Variants in GRM7 observed in about 807,000 individuals in gnomAD.
GRM7 encodes metabotropic glutamate receptor 7.
GRM7 carries 35 observed loss-of-function variants against 84.5 expected under a neutral mutation model. The ratio of observed to expected loss-of-function variants is 0.41; its 90% CI spans 0.32 to 0.55. GRM7 has a LOEUF of 0.55. Ranked by LOEUF, GRM7 falls within the 20% of genes least tolerant of loss-of-function variation. The probability of loss-of-function intolerance (pLI) is 0.19; values close to 1 mark genes in which losing one functional copy is unlikely to be tolerated. For missense variants in GRM7, 1,003 were observed against 1,194.6 expected, an observed-to-expected ratio of 0.84 and a Z score of 2.36; for synonymous variants, 487 against 455.1, an observed-to-expected ratio of 1.07 and a Z score of -0.89.
chr3:7,438,813 T>C (rs1697165040), intron 5 of GRM7, among the ~76,000 whole-genome samples: 2 of 151,892 alleles, frequency 1.3e-5, no homozygotes, highest in African/African-American at 4.8e-5. Context: ...TGGTGCCAGA[T>C]TCATCTGGGG....
At chr3:7,556,143 T>C (rs1271984509) in intron 7 of GRM7, among the ~76,000 whole-genome samples, 1 of 152,128 alleles carries the variant, frequency 6.6e-6, no homozygotes, top group Non-Finnish European at 1.5e-5. Context: ...AGTTCATACA[T>C]GATGCCTTAT....
intron 9 of GRM7, among the ~76,000 whole-genome samples, chr3:7,692,167 T>A (rs1700830080): frequency 6.6e-6 from 1 of 152,158 alleles, no homozygotes; most frequent in Admixed American, 6.5e-5. Context: ...TTGGTGAAAT[T>A]GAGAGAGAAG....
intron 9 of GRM7, 76 bp from the exon 10 acceptor site, chr3:7,740,281 G>A (rs1211171275): frequency 2.1e-6 from 2 of 969,136 alleles, no homozygotes; most frequent in East Asian, 5.1e-5. Flanking sequence ...CACCTCAAGT[G>A]AAAAGTTCTA....
At chr3:6,955,554 G>A (rs1229648117) in intron 1 of GRM7, among the ~76,000 whole-genome samples, 1 of 151,088 alleles carries the variant, frequency 6.6e-6, no homozygotes, top group South Asian at 2.1e-4. Flanking sequence ...AAGAAGAATA[G>A]AATGACAGGG....
intron 7 of GRM7, among the ~76,000 whole-genome samples, chr3:7,545,931 C>T (rs1347818015): frequency 1.3e-5 from 2 of 152,084 alleles, no homozygotes; most frequent in Non-Finnish European, 1.5e-5. Flanking sequence ...CTTCTCTGAG[C>T]CTCAATTTCT....
intron 1 of GRM7, among the ~76,000 whole-genome samples, chr3:7,066,990 T>C (rs554233429): frequency 6.6e-6 from 1 of 151,962 alleles, no homozygotes; most frequent in Non-Finnish European, 1.5e-5. Context: ...TGCTTAAAAC[T>C]CTCAGCAAAA....
chr3:7,407,492 C>T lies in GRM7; in HGVS notation c.1034-7531C>T, dbSNP rs545970395. Among the ~76,000 whole-genome samples, 5 of 152,232 alleles carry T rather than the reference C, an allele frequency of 3.3e-5. No individual in the cohort carries two copies. The East Asian group carries it at 7.7e-4, about 24-fold the overall frequency. On this transcript the variant is annotated intron_variant, in intron 4 of 9. Coordinates refer to ENST00000357716, the MANE Select transcript of GRM7 (RefSeq NM_000844.4). ...CTCGAACTGATATTAAAACTGCTTACCTTAACAAAAGGAAAGGAACCTGCA... is the reference window on the plus strand; with the variant it reads ...CTCGAACTGATATTAAAACTGCTTATCTTAACAAAAGGAAAGGAACCTGCA...
intron 8 of GRM7, among the ~76,000 whole-genome samples, chr3:7,597,778 C>G (rs955539903): frequency 1.3e-5 from 2 of 152,050 alleles, no homozygotes; most frequent in African/African-American, 4.8e-5. Context: ...TTACAAGTTT[C>G]AACAAATAGA....
chr3:6,883,766 T>C (rs1202376660), intron 1 of GRM7, among the ~76,000 whole-genome samples: 1 of 152,198 alleles, frequency 6.6e-6, no homozygotes, highest in Non-Finnish European at 1.5e-5. Context: ...CTCTGTCTCA[T>C]CCAAAACAGC....
At chr3:7,591,288 T>G (rs978573250) in intron 8 of GRM7, among the ~76,000 whole-genome samples, 1 of 152,160 alleles carries the variant, frequency 6.6e-6, no homozygotes, top group African/African-American at 2.4e-5. Flanking sequence ...TTATTGAAAT[T>G]GATTATGAAT....
intron 9 of GRM7, among the ~76,000 whole-genome samples, chr3:7,691,886 C>T (rs958048395): frequency 6.6e-6 from 1 of 152,124 alleles, no homozygotes; most frequent in African/African-American, 2.4e-5. Context: ...GTCTCGAACT[C>T]CTGACCTCAT....
intron 1 of GRM7, among the ~76,000 whole-genome samples, chr3:7,007,947 G>T (rs338087): frequency 6.6e-6 from 1 of 151,884 alleles, no homozygotes; most frequent in South Asian, 2.1e-4. Flanking sequence ...AACTAGCAAC[G>T]TAAGAAATGT....
At chr3:7,404,622 G>A (rs1037957540) in intron 4 of GRM7, among the ~76,000 whole-genome samples, 2 of 152,092 alleles carry the variant, frequency 1.3e-5, no homozygotes, top group African/African-American at 2.4e-5. Flanking sequence ...ATGGTTGGCA[G>A]CAGGAGCACA....
chr3:7,267,706 C>T (rs1242636230), intron 2 of GRM7, among the ~76,000 whole-genome samples: 38 of 152,004 alleles, frequency 2.5e-4, no homozygotes, highest in East Asian at 1.9e-4. Context: ...TTTTATATAG[C>T]GGGGAAAGAC....
intron 6 of GRM7, among the ~76,000 whole-genome samples, chr3:7,460,099 TAAAAAAAAAAAAAAAA>T (rs71066013): frequency 2.0e-5 from 1 of 49,544 alleles, no homozygotes; most frequent in Non-Finnish European, 3.3e-5. Flanking sequence ...CTTAAAATAG[TAAAAAAAAAAAAAAAA>T]AAAAAAAAAA....
At chr3:7,457,198 G>A (rs556958992) in intron 6 of GRM7, among the ~76,000 whole-genome samples, 1 of 152,168 alleles carries the variant, frequency 6.6e-6, no homozygotes, top group Non-Finnish European at 1.5e-5. Flanking sequence ...GTTCCAGATA[G>A]CAGAGTATAA....
At chr3:6,920,212 T>C (rs1697077417) in intron 1 of GRM7, among the ~76,000 whole-genome samples, 1 of 152,178 alleles carries the variant, frequency 6.6e-6, no homozygotes, top group South Asian at 2.1e-4. Flanking sequence ...AAGCTTTAAT[T>C]AGTGACATAG....
intron 9 of GRM7, among the ~76,000 whole-genome samples, chr3:7,737,842 A>C (rs899327196): frequency 2.0e-5 from 3 of 148,232 alleles, no homozygotes; most frequent in African/African-American, 5.1e-5. Context: ...TTATTCTCCC[A>C]ATTTTTTTTT....
chr3:7,590,438 AC>A (rs1265850114), intron 8 of GRM7, among the ~76,000 whole-genome samples: 28 of 106,984 alleles, frequency 2.6e-4, no homozygotes, highest in Non-Finnish European at 2.1e-4. Context: ...TGCTACAAAG[AC>A]AGAGTTGAAT....
Sources: gnomAD v4.1 joint callset for allele counts (sites outside exome capture counted in the v4.1 genomes callset) on GRCh38, gnomAD v4.1.1 for gene constraint, MANE v1.5 for transcripts, NCBI Gene and HGNC (gene_info 2026-07-23, HGNC 2026-07-21) for gene names.